The following RPS6KA5 variants were observed in gnomAD, a reference collection of about 807,000 sequenced individuals.
RPS6KA5 encodes the protein ribosomal protein S6 kinase alpha-5.
A neutral mutation model predicts 85.5 loss-of-function variants in RPS6KA5; 27 were observed. That is an observed-to-expected ratio of 0.32 (90% CI 0.23 to 0.44). The LOEUF is 0.44. RPS6KA5 is among the 20% of genes least tolerant of loss of function. RPS6KA5 has a pLI of 1.00. For synonymous variants in RPS6KA5, 334 were observed against 348.2 expected (o/e 0.96, Z 0.46); for missense variants, 811 against 980.9 (o/e 0.83, Z 2.31).
At position 90,891,637 on chromosome 14, in the gene RPS6KA5, C is replaced by A. The variant is rs142314032; in HGVS notation, c.1645-959G>T. Among the ~76,000 whole-genome samples, 126 of 152,240 alleles carry A rather than the reference C, an allele frequency of 8.3e-4. No homozygotes were observed. The East Asian group carries it at 0.017, about 21-fold the overall frequency. ...ATACTATTCTAGCTGAAATAAAACACATTATAGATGGTATCACTGATGCAA... is the reference window on the plus strand; with the variant it reads ...ATACTATTCTAGCTGAAATAAAACAAATTATAGATGGTATCACTGATGCAA... On this transcript the variant is annotated intron_variant, in intron 13 of 16. Coordinates refer to ENST00000614987, the MANE Select transcript of RPS6KA5 (RefSeq NM_004755.4).
chr14:90,868,333 G>A lies in RPS6KA5; in HGVS notation c.*3741C>T, dbSNP rs892007304. 6.6e-6 allele frequency: 1 copy of A among 152,118 alleles called. No individual in the cohort carries two copies. Among genetic ancestry groups the A allele is most frequent in the Non-Finnish European group, 1.5e-5 (1 of 68,010 alleles). The allele number at this position is 152,118 out of a possible 1,614,324, so 9.4% of individuals were successfully genotyped here. The stretch of plus-strand genomic sequence containing the variant: ...TTTTAGTGCCAGATACAGGTATCAA[G>A]TGATGACAGACACTTACGTGAGGTA... On this transcript the variant is annotated 3_prime_UTR_variant, in exon 17 of 17. Transcript: ENST00000614987.
chr14:90,882,331 G>T (rs2140165150), intron 14 of RPS6KA5, among the ~76,000 whole-genome samples: 1 of 152,260 alleles, frequency 6.6e-6, no homozygotes, highest in East Asian at 1.9e-4. Context: ...TACACTGTGT[G>T]CCCCAAAACA....
chr14:91,043,674 T>C (rs1324339451), intron 1 of RPS6KA5, among the ~76,000 whole-genome samples: 1 of 152,230 alleles, frequency 6.6e-6, no homozygotes, highest in Non-Finnish European at 1.5e-5. Flanking sequence ...TCCATCAGAA[T>C]ATGTCAAAGG....
chr14:90,894,013 C>T (rs968184146), intron 13 of RPS6KA5: 2 of 895,174 alleles, frequency 2.2e-6, no homozygotes, highest in East Asian at 2.4e-4. Context: ...CATGAGCTAA[C>T]CAATTTGATT....
At chr14:90,885,252 C>CAAAA (rs997481800) in intron 14 of RPS6KA5, among the ~76,000 whole-genome samples, 6 of 101,822 alleles carry the variant, frequency 5.9e-5, no homozygotes, top group Non-Finnish European at 1.0e-4. Context: ...GATCTTGTCT[C>CAAAA]AAAAAAAAAA....
chr14:90,993,556 C>G (rs879523618), intron 2 of RPS6KA5, among the ~76,000 whole-genome samples: 13 of 152,086 alleles, frequency 8.5e-5, no homozygotes, highest in Non-Finnish European at 1.8e-4. Context: ...TGTAGATTAA[C>G]AGTTATTTTC....
At position 90,907,553 on chromosome 14, in the gene RPS6KA5, C is replaced by A. The variant is rs1050544828; in HGVS notation, c.807-1254G>T. 3.4e-4 allele frequency among the ~76,000 whole-genome samples: 51 copies of A among 152,140 alleles called. 3 individuals carry two copies. The highest frequency in any genetic ancestry group is 3.3e-3 in the Admixed American group (50 of 15,278). ...CAACCATATAGAAAATAGGCCTAGA[C>A]GCTCTATCAAATAGCCACTGAGAAT... On this transcript the variant is annotated intron_variant, in intron 7 of 16. Coordinates refer to ENST00000614987, the MANE Select transcript of RPS6KA5 (RefSeq NM_004755.4).
intron 1 of RPS6KA5, among the ~76,000 whole-genome samples, chr14:91,035,822 T>C (rs1381604839): frequency 1.7e-5 from 2 of 116,482 alleles, no homozygotes; most frequent in African/African-American, 3.6e-5. Context: ...AATCAAAGCA[T>C]TTCAGCTGAT....
intron 3 of RPS6KA5, among the ~76,000 whole-genome samples, chr14:90,974,433 G>A (rs1431904751): frequency 2.6e-5 from 4 of 152,308 alleles, no homozygotes; most frequent in African/African-American, 4.8e-5. Context: ...ATGGACTTGT[G>A]TGACAAATGG....
chr14:90,982,674 CTG>C lies in RPS6KA5; in HGVS notation c.176-4152_176-4151del, dbSNP rs558813122. ...AGAGCCAAGGTCTTTTCAAGATACT[CTG>C]TTAAGAAATATAAGCAAGGGGGCCG... is the stretch of plus-strand genomic sequence containing the variant. On this transcript the variant is annotated intron_variant, in intron 2 of 16. Transcript: ENST00000614987. Among the ~76,000 whole-genome samples the C allele has an allele frequency of 1.8e-3, 276 of 152,288 alleles. 1 individual carries two copies. Among genetic ancestry groups the C allele is most frequent in the African/African-American group, 6.3e-3 (264 of 41,578 alleles).
chr14:91,031,375 C>T (rs7151724), intron 1 of RPS6KA5, among the ~76,000 whole-genome samples: 6,061 of 152,104 alleles, frequency 0.04, 191 homozygotes, highest in East Asian at 0.16. Context: ...CTGGAGGATG[C>T]GCCACAGATA....
At position 90,947,419 on chromosome 14, in the gene RPS6KA5, A is replaced by C. The variant is rs761853787; in HGVS notation, c.510+16T>G. The C allele has an allele frequency of 1.4e-5, 20 of 1,432,870 alleles. 1 individual carries two copies. Among genetic ancestry groups the C allele is most frequent in the Middle Eastern group, 1.8e-4 (1 of 5,698 alleles). 88.8% of individuals were successfully genotyped at this position (1,432,870 alleles called of 1,614,324 possible). A position where few individuals can be genotyped will look rare whatever the true frequency, so the allele number is the denominator to read the frequency against. ...ACAGACTTCAGAAAAGAAACCTGAA[A>C]AATGAAGAGTCTTACCTTGTGGAGA... On this transcript the variant is annotated intron_variant, in intron 4 of 16. Transcript: ENST00000614987.
At chr14:91,004,749 C>T (rs1000169209) in intron 1 of RPS6KA5, among the ~76,000 whole-genome samples, 13 of 151,854 alleles carry the variant, frequency 8.6e-5, no homozygotes, top group East Asian at 1.9e-4. Context: ...GGGTGGATCA[C>T]GAGGTCAGGA....
intron 14 of RPS6KA5, among the ~76,000 whole-genome samples, chr14:90,880,597 T>C (rs2033772275): frequency 6.6e-6 from 1 of 152,176 alleles, no homozygotes. Flanking sequence ...AGTCCTCTAT[T>C]TCCTTCTTAT....
chr14:90,976,892 C>G (rs1161295921), intron 3 of RPS6KA5, among the ~76,000 whole-genome samples: 1 of 152,030 alleles, frequency 6.6e-6, no homozygotes, highest in African/African-American at 2.4e-5. Context: ...AATATAATTT[C>G]TAATATAAAA....
chr14:90,892,357 G>T (rs1451340263), intron 13 of RPS6KA5, among the ~76,000 whole-genome samples: 1 of 152,108 alleles, frequency 6.6e-6, no homozygotes, highest in African/African-American at 2.4e-5. Context: ...CTTTAATTTG[G>T]TGACTTTAAT....
At chr14:91,056,867 CTTTTTTTTTTTTTTTT>C (rs34807092) in intron 1 of RPS6KA5, among the ~76,000 whole-genome samples, 3 of 38,850 alleles carry the variant, frequency 7.7e-5, no homozygotes, top group African/African-American at 9.3e-5. Context: ...GCAGTATTAT[CTTTTTTTTTTTTTTTT>C]TTTTTTTTTT....
At chr14:91,018,708 G>A (rs2041610473) in intron 1 of RPS6KA5, among the ~76,000 whole-genome samples, 2 of 152,118 alleles carry the variant, frequency 1.3e-5, no homozygotes, top group Non-Finnish European at 2.9e-5. Context: ...ACTGAAGGCT[G>A]CACAGTCAGC....
chr14:90,998,718 A>G (rs962159821), intron 2 of RPS6KA5, among the ~76,000 whole-genome samples: 2 of 152,228 alleles, frequency 1.3e-5, no homozygotes, highest in Non-Finnish European at 2.9e-5. Context: ...ATGTACAATA[A>G]CATCTCCAAG....
Sources: gnomAD v4.1 joint callset for allele counts (sites outside exome capture counted in the v4.1 genomes callset) on GRCh38, gnomAD v4.1.1 for gene constraint, MANE v1.5 for transcripts, NCBI Gene and HGNC (gene_info 2026-07-23, HGNC 2026-07-21) for gene names.